Variants in RIMS2 observed in about 807,000 individuals in gnomAD.
The protein encoded by RIMS2 is regulating synaptic membrane exocytosis 2, also known as regulating synaptic membrane exocytosis protein 2.
In RIMS2, 59 loss-of-function variants were observed where a neutral mutation model predicts 174.4. That is an observed-to-expected ratio of 0.34 (90% CI 0.27 to 0.42). RIMS2 has a LOEUF of 0.42. RIMS2 is among the 10% of genes least tolerant of loss of function. The probability of loss-of-function intolerance (pLI) is 1.00; values close to 1 mark genes in which losing one functional copy is unlikely to be tolerated. For missense variants in RIMS2, 1,620 were observed against 1,666.3 expected (o/e 0.97, Z 0.48); for synonymous variants, 606 against 572.5 (o/e 1.06, Z -0.84).
At chr8:103,978,251 A>T (rs2093613477) in intron 16 of RIMS2, among the ~76,000 whole-genome samples, 1 of 152,212 alleles carries the variant, frequency 6.6e-6, no homozygotes, top group East Asian at 1.9e-4. Context: ...TACATTTTAG[A>T]TCAGATTCTC....
chr8:104,188,106 A>G (rs1185340973), intron 19 of RIMS2, among the ~76,000 whole-genome samples: 2 of 151,774 alleles, frequency 1.3e-5, no homozygotes, highest in Admixed American at 6.6e-5. Flanking sequence ...ACTTTGTTCA[A>G]TAGGACAATA....
At chr8:104,209,078 G>C (rs934319109) in intron 19 of RIMS2, among the ~76,000 whole-genome samples, 9 of 152,178 alleles carry the variant, frequency 5.9e-5, no homozygotes, top group Non-Finnish European at 1.2e-4. Flanking sequence ...CAGGATTACT[G>C]TCTGTCTAGA....
Position 103,893,630 on chromosome 8 carries a change from T to C in RIMS2, c.1624+7407T>C, listed in dbSNP as rs577267858. The stretch of plus-strand genomic sequence containing the variant: ...GAATGTTTTTTACATTTTTGAATGG[T>C]TAAAAAAACTTAAATATTTTGTGAT... On this transcript the variant is annotated intron_variant, in intron 4 of 23. Transcript: ENST00000504942. Among the ~76,000 whole-genome samples, 20 of 152,242 alleles carry C rather than the reference T, an allele frequency of 1.3e-4. No individual in the cohort carries two copies. In the South Asian group the frequency reaches 2.9e-3, roughly 22 times the overall value.
intron 4 of RIMS2, among the ~76,000 whole-genome samples, chr8:103,904,319 A>T (rs2073905116): frequency 6.6e-6 from 1 of 152,088 alleles, no homozygotes; most frequent in Non-Finnish European, 1.5e-5. Context: ...TACCACAACT[A>T]TTAATGGATA....
chr8:103,970,200 G>A (rs2092706198), intron 15 of RIMS2, among the ~76,000 whole-genome samples: 1 of 152,168 alleles, frequency 6.6e-6, no homozygotes, highest in Non-Finnish European at 1.5e-5. Context: ...CTCAGTCTTA[G>A]TGAGCCTCTG....
At chr8:103,562,880 C>G (rs1034897268) in intron 1 of RIMS2, among the ~76,000 whole-genome samples, 6 of 152,174 alleles carry the variant, frequency 3.9e-5, no homozygotes, top group Non-Finnish European at 5.9e-5. Flanking sequence ...CACCCGCAGG[C>G]TCAACACCAT....
intron 3 of RIMS2, among the ~76,000 whole-genome samples, chr8:103,839,938 G>C (rs1370449844): frequency 6.6e-6 from 1 of 152,172 alleles, no homozygotes; most frequent in Non-Finnish European, 1.5e-5. Context: ...ACACCGGACT[G>C]TGTTTCTTAT....
intron 2 of RIMS2, among the ~76,000 whole-genome samples, chr8:103,746,267 A>T (rs2097812591): frequency 6.6e-6 from 1 of 152,078 alleles, no homozygotes; most frequent in African/African-American, 2.4e-5. Context: ...GTATGGGTTT[A>T]TTTCTGAACT....
At chr8:104,175,645 T>C (rs2098883621) in intron 19 of RIMS2, among the ~76,000 whole-genome samples, 1 of 152,154 alleles carries the variant, frequency 6.6e-6, no homozygotes, top group East Asian at 1.9e-4. Context: ...TACTGAATAA[T>C]GAATCCCCAA....
intron 1 of RIMS2, among the ~76,000 whole-genome samples, chr8:103,646,775 G>A (rs1253107464): frequency 6.6e-6 from 1 of 151,960 alleles, no homozygotes. Context: ...CATGTCATCT[G>A]CAAACAGAGA....
intron 1 of RIMS2, among the ~76,000 whole-genome samples, chr8:103,673,806 A>C (rs1343612995): frequency 6.6e-6 from 1 of 152,220 alleles, no homozygotes; most frequent in Admixed American, 6.5e-5. Context: ...AGCCAGCTTG[A>C]ATTCCTCTCC....
intron 19 of RIMS2, among the ~76,000 whole-genome samples, chr8:104,181,475 C>G (rs949375251): frequency 6.6e-6 from 1 of 151,520 alleles, no homozygotes; most frequent in East Asian, 1.9e-4. Flanking sequence ...GCCGTCAACC[C>G]TTTCTGTTGT....
intron 17 of RIMS2, among the ~76,000 whole-genome samples, chr8:104,007,226 A>C (rs13261924): frequency 0.18 from 27,507 of 152,036 alleles, 2,782 homozygotes; most frequent in South Asian, 0.35. Context: ...TGTGATTTGT[A>C]ATGTTTATCA....
At chr8:103,675,854 T>C (rs184591562) in intron 1 of RIMS2, among the ~76,000 whole-genome samples, 1 of 152,322 alleles carries the variant, frequency 6.6e-6, no homozygotes, top group Admixed American at 6.5e-5. Flanking sequence ...TTGTGGACTT[T>C]TAAATAGTTT....
At chr8:103,611,578 T>G (rs768343126) in intron 1 of RIMS2, among the ~76,000 whole-genome samples, 3 of 152,218 alleles carry the variant, frequency 2.0e-5, no homozygotes, top group Non-Finnish European at 4.4e-5. Context: ...TAAACGTTTT[T>G]TCCTTTAGCT....
chr8:103,855,658 T>A (rs917130104), intron 3 of RIMS2, among the ~76,000 whole-genome samples: 12 of 152,304 alleles, frequency 7.9e-5, no homozygotes, highest in African/African-American at 2.2e-4. Context: ...TCCATAAATT[T>A]GAGTAGTTTT....
chr8:103,755,069 G>A (rs1455473966), intron 2 of RIMS2, among the ~76,000 whole-genome samples: 1 of 152,152 alleles, frequency 6.6e-6, no homozygotes, highest in Non-Finnish European at 1.5e-5. Flanking sequence ...GCTGGTACCG[G>A]TTGTTCCTTT....
chr8:103,825,797 G>A (rs1445467753), intron 3 of RIMS2, among the ~76,000 whole-genome samples: 1 of 151,906 alleles, frequency 6.6e-6, no homozygotes, highest in African/African-American at 2.4e-5. Context: ...ATTTTATAAT[G>A]CCACATCATT....
In RIMS2 at chr8:103,716,646, A is replaced by T. The variant is rs531464170; in HGVS notation, c.387+19350A>T. On this transcript the variant is annotated intron_variant, in intron 2 of 23. Coordinates refer to ENST00000504942, the Ensembl canonical transcript of RIMS2. The stretch of plus-strand genomic sequence containing the variant: ...TGATAAATTTCTATAATCTTCTATT[A>T]TGCTAAACTCATCATTGCACTGATA... Among the ~76,000 whole-genome samples the T allele has an allele frequency of 3.9e-5, 6 of 152,144 alleles. No homozygotes were observed. In the South Asian group the frequency reaches 1.2e-3, roughly 32 times the overall value.
Sources: gnomAD v4.1 joint callset for allele counts (sites outside exome capture counted in the v4.1 genomes callset) on GRCh38, gnomAD v4.1.1 for gene constraint, MANE v1.5 for transcripts, NCBI Gene and HGNC (gene_info 2026-07-23, HGNC 2026-07-21) for gene names.